Variants in ZWILCH observed in about 807,000 individuals in gnomAD.
ZWILCH encodes the protein protein zwilch homolog.
In ZWILCH, 74 loss-of-function variants were observed where a neutral mutation model predicts 79.9. That is an observed-to-expected ratio of 0.93 (90% CI 0.77 to 1.12). The LOEUF (loss-of-function observed/expected upper bound fraction) is 1.12. Among genes scored for constraint, ZWILCH ranks in the 50% most tolerant of loss-of-function variants. The pLI is 0.00. For synonymous variants in ZWILCH, 241 were observed against 228.2 expected (o/e 1.06, Z -0.51); for missense variants, 694 against 687.5 (o/e 1.01, Z -0.11).
At chr15:66,544,890 C>T (rs1269271370) in intron 17 of ZWILCH, among the ~76,000 whole-genome samples, 3 of 151,354 alleles carry the variant, frequency 2.0e-5, no homozygotes, top group African/African-American at 4.9e-5. Flanking sequence ...ATTACAGGCG[C>T]GTGCCACCAC....
intron 18 of ZWILCH, chr15:66,547,294 T>G (rs1895413254): frequency 6.8e-6 from 1 of 147,810 alleles, no homozygotes; most frequent in African/African-American, 2.5e-5. Flanking sequence ...GCCTCCCAGA[T>G]TCAATGCCAT....
chr15:66,510,582 G>C (rs1172358453), intron 2 of ZWILCH, among the ~76,000 whole-genome samples: 1 of 152,098 alleles, frequency 6.6e-6, no homozygotes, highest in African/African-American at 2.4e-5. Flanking sequence ...CTTGCTGCTT[G>C]ATATCTGTAT....
intron 9 of ZWILCH, 150 bp from the exon 10 acceptor site, chr15:66,527,707 C>A: frequency 1.5e-6 from 1 of 689,230 alleles, no homozygotes; most frequent in Non-Finnish European, 2.4e-6. Context: ...TGATGGATAT[C>A]TATTATAATC....
At chr15:66,535,155 A>C (rs916795614) in intron 14 of ZWILCH, among the ~76,000 whole-genome samples, 1 of 152,018 alleles carries the variant, frequency 6.6e-6, no homozygotes, top group Non-Finnish European at 1.5e-5. Flanking sequence ...ATCTTGTCGC[A>C]CTGGAAGCTC....
intron 10 of ZWILCH, 30 bp from the exon 11 acceptor site, chr15:66,528,822 A>G: frequency 6.3e-7 from 1 of 1,575,244 alleles, no homozygotes; most frequent in Non-Finnish European, 8.7e-7. Context: ...AAAAAAACTG[A>G]GTATTCTCTG....
chr15:66,518,033 G>C (rs1894352645), intron 4 of ZWILCH, among the ~76,000 whole-genome samples: 1 of 151,590 alleles, frequency 6.6e-6, no homozygotes, highest in Non-Finnish European at 1.5e-5. Flanking sequence ...GCCCGGCCTG[G>C]CTCCTACTTA....
At chr15:66,525,068 A>G (rs1382255064) in intron 8 of ZWILCH, among the ~76,000 whole-genome samples, 1 of 152,212 alleles carries the variant, frequency 6.6e-6, no homozygotes, top group African/African-American at 2.4e-5. Flanking sequence ...CAGTATGTCA[A>G]AATGAAACTA....
At chr15:66,520,770 T>C in intron 6 of ZWILCH, 110 bp downstream of exon 6, 1 of 765,596 alleles carries the variant, frequency 1.3e-6, no homozygotes, top group Non-Finnish European at 2.1e-6. Flanking sequence ...TTTTCTGTAG[T>C]ATGAAAATGT....
intron 18 of ZWILCH, chr15:66,547,017 A>T (rs1037649894): frequency 8.4e-5 from 13 of 154,386 alleles, no homozygotes; most frequent in Non-Finnish European, 4.3e-5. Flanking sequence ...GAAAACATTG[A>T]TGCAAGAGAA....
At position 66,517,726 on chromosome 15, in the gene ZWILCH, CTTTTTTTTTTTTT is replaced by C. The variant is rs1161719182; in HGVS notation, c.321-1139_321-1127del. On this transcript the variant is annotated intron_variant, in intron 4 of 18. Transcript: ENST00000307897. Reference sequence around the variant, plus strand: ...GGGTCCTACTTCTTTCTTTTCTTTCCTTTTTTTTTTTTTTTTTTTTTTTTTTGAGACAGAGTCA... The same window carrying C: ...GGGTCCTACTTCTTTCTTTTCTTTCCTTTTTTTTTTTTTGAGACAGAGTCA... Among the ~76,000 whole-genome samples, 71 of 58,280 alleles carry C rather than the reference CTTTTTTTTTTTTT, an allele frequency of 1.2e-3. No homozygotes were observed. In the Middle Eastern group the frequency reaches 0.042, roughly 34 times the overall value. The allele number at this position is 58,280 out of a possible 152,430, so 38.2% of individuals were successfully genotyped here. A position where few individuals can be genotyped will look rare whatever the true frequency, so the allele number is the denominator to read the frequency against.
At chr15:66,513,785 A>T (rs1048528550) in intron 2 of ZWILCH, 3 of 293,108 alleles carry the variant, frequency 1.0e-5, no homozygotes, top group South Asian at 8.6e-5. Flanking sequence ...GTTAGCCAGG[A>T]TGGTCTCAAT....
At chr15:66,526,097 A>T (rs1334825636) in intron 8 of ZWILCH, among the ~76,000 whole-genome samples, 1 of 152,008 alleles carries the variant, frequency 6.6e-6, no homozygotes, top group African/African-American at 2.4e-5. Flanking sequence ...TCCCCCCGGG[A>T]GTGGGAGATG....
At chr15:66,534,690 G>A (rs977295530) in intron 14 of ZWILCH, among the ~76,000 whole-genome samples, 1 of 151,998 alleles carries the variant, frequency 6.6e-6, no homozygotes, top group African/African-American at 2.4e-5. Context: ...AGATAAAAAC[G>A]TGGATACCTG....
rs1164890927 is a variant in ZWILCH at position 66,518,892 on chromosome 15, C to G, written c.334C>G (p.Leu112Val). 1 of 1,614,026 alleles carries G rather than the reference C, an allele frequency of 6.2e-7. No homozygotes were observed. The highest frequency in any genetic ancestry group is 8.5e-7 in the Non-Finnish European group (1 of 1,179,990). The change falls in exon 5 of 19, where the codon CTT becomes GTT. Residue 112 changes from leucine to valine, a missense_variant. Physicochemically the swap from Leu to Val is conservative, Grantham distance 32 (BLOSUM62 1). Transcript: ENST00000307897. ...CTTGTTTTAAAGGCAGTTAATTGGA[C>G]TTTACACCATGGCTCACAATCCTAA... Reference protein sequence around the residue: ...PVGKARQLIGLYTMAHNPNMT... With the variant: ...PVGKARQLIGVYTMAHNPNMT...
chr15:66,516,768 T>C (rs1894278935), intron 4 of ZWILCH, among the ~76,000 whole-genome samples: 1 of 152,166 alleles, frequency 6.6e-6, no homozygotes, highest in African/African-American at 2.4e-5. Context: ...AGCCTCCCAA[T>C]GTGCTGGGAT....
intron 17 of ZWILCH, among the ~76,000 whole-genome samples, chr15:66,546,152 A>T (rs889150252): frequency 6.6e-6 from 1 of 152,214 alleles, no homozygotes; most frequent in Non-Finnish European, 1.5e-5. Context: ...TATCCCATCA[A>T]AATGTTGATT....
rs778322383 is a variant in ZWILCH, at chr15:66,523,752, A to T, written c.819+4A>T. 1.3e-5 allele frequency: 21 copies of T among 1,598,228 alleles called. No homozygotes were observed. Among genetic ancestry groups the T allele is most frequent in the Non-Finnish European group, 1.7e-5 (20 of 1,167,338 alleles). ...CAGAGAACTGAAATTTCTTCTTGTG[A>T]GTATCCTTCTAGAATTCCTTTCCTT... On this transcript the variant is annotated splice_donor_region_variant and intron_variant, in intron 8 of 18. Coordinates refer to ENST00000307897, the MANE Select transcript of ZWILCH (RefSeq NM_017975.5).
chr15:66,512,912 G>A (rs1164000538), intron 2 of ZWILCH, among the ~76,000 whole-genome samples: 1 of 152,180 alleles, frequency 6.6e-6, no homozygotes, highest in African/African-American at 2.4e-5. Context: ...TTCTGCCCCA[G>A]CCTCCTGAGT....
At chr15:66,543,026 A>G (rs1359556229) in intron 17 of ZWILCH, among the ~76,000 whole-genome samples, 3 of 152,076 alleles carry the variant, frequency 2.0e-5, no homozygotes, top group Non-Finnish European at 2.9e-5. Flanking sequence ...TGTGGGAGGT[A>G]GTACCCATCA....
Sources: allele counts gnomAD v4.1 joint callset (sites outside exome capture counted in the v4.1 genomes callset), GRCh38; gene constraint gnomAD v4.1.1; transcripts MANE v1.5; gene names NCBI Gene and HGNC (gene_info 2026-07-23, HGNC 2026-07-21).